BABAM2: variants seen among roughly 807,000 people sequenced by gnomAD.
The protein encoded by BABAM2 is BRISC and BRCA1-A complex member 2.
Under a neutral mutation model 54.7 loss-of-function variants are expected in BABAM2, and 31 were observed. The ratio of observed to expected loss-of-function variants is 0.57; its 90% CI spans 0.43 to 0.77. The LOEUF is 0.77. Among genes scored for constraint, BABAM2 ranks in the 30% least tolerant of loss-of-function variants. The pLI, the probability that BABAM2 is intolerant of heterozygous loss-of-function variation, is 0.00. For synonymous variants in BABAM2, 167 were observed against 162.9 expected (o/e 1.03, Z -0.19); for missense variants, 364 against 455.8 (o/e 0.80, Z 1.83).
chr2:28,076,170 G>T (rs895846743), intron 6 of BABAM2, among the ~76,000 whole-genome samples: 2 of 152,086 alleles, frequency 1.3e-5, no homozygotes, highest in Non-Finnish European at 1.5e-5. Flanking sequence ...GCATACAAGG[G>T]GGCTAAGGTG....
intron 6 of BABAM2, among the ~76,000 whole-genome samples, chr2:28,046,858 C>T (rs1233121567): frequency 6.6e-6 from 1 of 151,364 alleles, no homozygotes; most frequent in Non-Finnish European, 1.5e-5. Context: ...CCATAGCTCA[C>T]CCCAAGCTCA....
chr2:27,969,760 G>T (rs1255642165), intron 3 of BABAM2, among the ~76,000 whole-genome samples: 2 of 152,162 alleles, frequency 1.3e-5, no homozygotes, highest in African/African-American at 4.8e-5. Flanking sequence ...AGTGACAACT[G>T]GGGGAGGGAA....
At chr2:27,928,538 A>G (rs1203414407) in intron 2 of BABAM2, among the ~76,000 whole-genome samples, 2 of 152,122 alleles carry the variant, frequency 1.3e-5, no homozygotes, top group Non-Finnish European at 2.9e-5. Context: ...TAAAGCCAAA[A>G]TTTTTTGAAT....
At chr2:28,258,043 A>T (rs1289970856) in intron 10 of BABAM2, among the ~76,000 whole-genome samples, 1 of 152,064 alleles carries the variant, frequency 6.6e-6, no homozygotes, top group Non-Finnish European at 1.5e-5. Context: ...CTGGCATGGC[A>T]GCAGGCACTT....
intron 9 of BABAM2, among the ~76,000 whole-genome samples, chr2:28,242,865 T>A (rs1682572778): frequency 6.6e-6 from 1 of 152,190 alleles, no homozygotes; most frequent in Non-Finnish European, 1.5e-5. Context: ...TTTTCAGCTT[T>A]GTGAACATTT....
chr2:28,270,527 T>C (rs568586208), intron 10 of BABAM2, among the ~76,000 whole-genome samples: 8 of 152,344 alleles, frequency 5.3e-5, no homozygotes, highest in Admixed American at 5.2e-4. Context: ...TGTGTGGTCT[T>C]TATGTTTTGG....
chr2:27,958,298 G>A (rs1670233134), intron 3 of BABAM2, among the ~76,000 whole-genome samples: 1 of 152,036 alleles, frequency 6.6e-6, no homozygotes, highest in Admixed American at 6.6e-5. Context: ...AAGAGATGGG[G>A]AGAAGAGCAG....
chr2:28,196,219 C>G (rs1303371609), intron 7 of BABAM2, among the ~76,000 whole-genome samples: 1 of 151,710 alleles, frequency 6.6e-6, no homozygotes. Context: ...CCCAGCTACT[C>G]GGGAGGCTGA....
chr2:28,318,319 G>C (rs551644096), intron 11 of BABAM2, among the ~76,000 whole-genome samples: 1 of 152,314 alleles, frequency 6.6e-6, no homozygotes, highest in Admixed American at 6.5e-5. Flanking sequence ...TATAAATAAA[G>C]TTTTATTGGA....
intron 2 of BABAM2, among the ~76,000 whole-genome samples, chr2:27,917,165 G>A (rs1667037759): frequency 6.6e-6 from 1 of 151,830 alleles, no homozygotes; most frequent in Admixed American, 6.6e-5. Context: ...CTACAGGCAC[G>A]TGCCACCACG....
At chr2:28,164,406 A>G (rs2147823546) in intron 7 of BABAM2, among the ~76,000 whole-genome samples, 1 of 152,128 alleles carries the variant, frequency 6.6e-6, no homozygotes, top group African/African-American at 2.4e-5. Flanking sequence ...GGAAGCATAA[A>G]TATAAACCTC....
intron 11 of BABAM2, among the ~76,000 whole-genome samples, chr2:28,306,945 C>G (rs1294188378): frequency 6.8e-6 from 1 of 146,910 alleles, no homozygotes; most frequent in Non-Finnish European, 1.5e-5. Context: ...ATCCACCTGC[C>G]TTGGCCCCCC....
chr2:28,232,710 T>C (rs933441964), intron 7 of BABAM2, among the ~76,000 whole-genome samples: 3 of 152,192 alleles, frequency 2.0e-5, no homozygotes, highest in Non-Finnish European at 4.4e-5. Flanking sequence ...ACAGTAAACA[T>C]ACGGTATTGT....
chr2:27,992,899 C>T (rs1672878587), intron 4 of BABAM2, among the ~76,000 whole-genome samples: 1 of 152,194 alleles, frequency 6.6e-6, no homozygotes, highest in Non-Finnish European at 1.5e-5. Context: ...CCTTCCTGCA[C>T]TTACCTGAAT....
chr2:28,295,178 G>C (rs894107593), intron 10 of BABAM2, among the ~76,000 whole-genome samples: 26 of 152,170 alleles, frequency 1.7e-4, no homozygotes, highest in African/African-American at 4.8e-4. Context: ...ATTAATACCA[G>C]CAACTCATTT....
intron 10 of BABAM2, among the ~76,000 whole-genome samples, chr2:28,269,835 G>A (rs1253822940): frequency 6.7e-6 from 1 of 149,938 alleles, no homozygotes; most frequent in African/African-American, 2.4e-5. Flanking sequence ...GAGATATTTT[G>A]GATTTTTTCT....
chr2:28,176,662 T>G (rs759293660), intron 7 of BABAM2, among the ~76,000 whole-genome samples: 16 of 145,094 alleles, frequency 1.1e-4, no homozygotes, highest in Non-Finnish European at 1.7e-4. Context: ...ATTCAGGATG[T>G]GAATGTGAAA....
At chr2:28,201,732 C>T (rs1243288551) in intron 7 of BABAM2, among the ~76,000 whole-genome samples, 1 of 152,164 alleles carries the variant, frequency 6.6e-6, no homozygotes, top group Non-Finnish European at 1.5e-5. Context: ...TCAACTAATC[C>T]TCCACAGCCT....
intron 4 of BABAM2, among the ~76,000 whole-genome samples, chr2:28,000,505 T>G (rs1673504045): frequency 6.6e-6 from 1 of 152,226 alleles, no homozygotes; most frequent in South Asian, 2.1e-4. Context: ...ATTGTTGACC[T>G]TAATCACTTG....
Sources: allele counts gnomAD v4.1 joint callset (sites outside exome capture counted in the v4.1 genomes callset), GRCh38; gene constraint gnomAD v4.1.1; transcripts MANE v1.5; gene names NCBI Gene and HGNC (gene_info 2026-07-23, HGNC 2026-07-21).